The following RNF111 variants were observed in gnomAD, a reference collection of about 807,000 sequenced individuals.
RNF111 encodes the protein ring finger protein 111.
RNF111 carries 17 observed loss-of-function variants against 95.1 expected under a neutral mutation model. The observed-to-expected ratio is 0.18, with a 90% CI of 0.12 to 0.27. The LOEUF (loss-of-function observed/expected upper bound fraction) is 0.27, where lower values mean the gene tolerates loss of function less well. RNF111 is among the 10% of genes least tolerant of loss of function. RNF111 has a pLI of 1.00. For missense variants in RNF111, 1,189 were observed against 1,210.4 expected, an observed-to-expected ratio of 0.98 and a Z score of 0.26; for synonymous variants, 440 against 414.8, an observed-to-expected ratio of 1.06 and a Z score of -0.74.
At position 59,095,033 on chromosome 15, in the gene RNF111, A is replaced by G. The variant is rs1455282988; in HGVS notation, c.*133A>G. 3.8e-5 allele frequency: 27 copies of G among 717,848 alleles called. No individual in the cohort carries two copies. Among genetic ancestry groups the G allele is most frequent in the African/African-American group, 7.2e-5 (4 of 55,440 alleles). 44.5% of individuals were successfully genotyped at this position (717,848 alleles called of 1,614,324 possible). ...TAGAGTGCTGGCTCTGCTATATGGT[A>G]CAACTAATGCTAGACCTACAGTTTA... On this transcript the variant is annotated 3_prime_UTR_variant, in exon 14 of 14. Coordinates refer to ENST00000348370, the MANE Select transcript of RNF111 (RefSeq NM_017610.8).
At chr15:59,054,582 G>A (rs1407727674) in intron 3 of RNF111, among the ~76,000 whole-genome samples, 3 of 152,164 alleles carry the variant, frequency 2.0e-5, no homozygotes, top group Admixed American at 6.5e-5. Context: ...TACCACAACT[G>A]TTTCTGATAT....
intron 5 of RNF111, among the ~76,000 whole-genome samples, chr15:59,062,209 AT>A (rs2042470139): frequency 6.6e-6 from 1 of 151,844 alleles, no homozygotes; most frequent in South Asian, 2.1e-4. Flanking sequence ...CACCTGGCCA[AT>A]TTATGTATTT....
chr15:59,067,010 C>T lies in RNF111; in HGVS notation c.1613C>T (p.Pro538Leu). 1.2e-6 allele frequency: 2 copies of T among 1,614,118 alleles called. No individual in the cohort carries two copies. Among genetic ancestry groups the T allele is most frequent in the Non-Finnish European group, 8.5e-7 (1 of 1,180,020 alleles). Residue 538 changes from proline to leucine, a missense_variant, in exon 6 of 14, where the codon CCT becomes CTT. Physicochemically the swap from Pro to Leu is moderately conservative, Grantham distance 98. Coordinates refer to ENST00000348370, the MANE Select transcript of RNF111 (RefSeq NM_017610.8). ...CCTTCCTTTAGTGATCCTGCTTGCCCTGTGGAAAGACCTCCACAAGTACAA... is the reference window on the plus strand; with the variant it reads ...CCTTCCTTTAGTGATCCTGCTTGCCTTGTGGAAAGACCTCCACAAGTACAA... ...VSPSFSDPAC[P>L]VERPPQVQAP...
At chr15:59,040,565 G>A (rs1447125450) in intron 2 of RNF111, among the ~76,000 whole-genome samples, 1 of 152,138 alleles carries the variant, frequency 6.6e-6, no homozygotes, top group African/African-American at 2.4e-5. Context: ...TTTTATATTT[G>A]TATTTGTTCT....
chr15:59,095,063 T>C lies in RNF111; in HGVS notation c.*163T>C, dbSNP rs2079154930. 13 of 630,324 alleles carry C rather than the reference T, an allele frequency of 2.1e-5. No individual in the cohort carries two copies. The South Asian group carries it at 2.3e-4, about 11-fold the overall frequency. 39.0% of individuals were successfully genotyped at this position (630,324 alleles called of 1,614,324 possible). On this transcript the variant is annotated 3_prime_UTR_variant, in exon 14 of 14. Coordinates refer to ENST00000348370, the MANE Select transcript of RNF111 (RefSeq NM_017610.8). ...TAATGCTAGACCTACAGTTTATGTA[T>C]ACAGTTGATTTTGATGTATTTATAA...
chr15:59,077,617 T>C (rs1252627179), intron 7 of RNF111, among the ~76,000 whole-genome samples: 1 of 152,262 alleles, frequency 6.6e-6, no homozygotes, highest in Non-Finnish European at 1.5e-5. Context: ...TCATTGGTTT[T>C]TAATACCCCC....
At chr15:59,079,059 T>C (rs1232741049) in intron 7 of RNF111, among the ~76,000 whole-genome samples, 1 of 152,080 alleles carries the variant, frequency 6.6e-6, no homozygotes, top group African/African-American at 2.4e-5. Context: ...GGAACACAAA[T>C]AGAGGAAGGG....
rs186793201 is a variant in RNF111, at chr15:59,066,895, C to A, written c.1498C>A (p.Pro500Thr). The A allele has an allele frequency of 8.1e-6, 13 of 1,614,076 alleles. No homozygotes were observed. Among genetic ancestry groups the A allele is most frequent in the Non-Finnish European group, 1.1e-5 (13 of 1,180,020 alleles). Residue 500 changes from proline (P) to threonine (T), a missense_variant, in exon 6 of 14, where the codon CCT (proline) becomes ACT (threonine). Transcript: ENST00000348370. ...ACAGAACCACCATGCATTAGGACAT[C>A]CTCATACAAGTTGCTTTCAGCAGCA... ...SSQNHHALGHPHTSCFQQHGH... is the reference protein window; with the variant it reads ...SSQNHHALGHTHTSCFQQHGH...
At chr15:59,047,658 G>A (rs1485785330) in intron 2 of RNF111, among the ~76,000 whole-genome samples, 4 of 151,948 alleles carry the variant, frequency 2.6e-5, no homozygotes, top group African/African-American at 7.3e-5. Flanking sequence ...TCACTGCAAC[G>A]TGCGTCTCCC....
At position 59,081,147 on chromosome 15, in the gene RNF111, C is replaced by A. The variant is rs1489166957; in HGVS notation, c.2160C>A (p.Ile720=). The A allele has an allele frequency of 1.2e-6, 2 of 1,614,070 alleles. No homozygotes were observed. Among genetic ancestry groups the A allele is most frequent in the Non-Finnish European group, 1.7e-6 (2 of 1,180,036 alleles). The change falls in exon 8 of 14, where the codon ATC becomes ATA. Residue 720 remains isoleucine (I), a synonymous_variant. Transcript: ENST00000348370. ...ACTTAGCCAGTACAGCTGCACCAAT[C>A]CCTCAGCATCTTCCTCCTACACACC... is the stretch of plus-strand genomic sequence containing the variant. ...PTHLASTAAP[I]PQHLPPTHQP...
At chr15:59,029,780 GGTTAT>G (rs1165362661) in intron 1 of RNF111, among the ~76,000 whole-genome samples, 1 of 152,084 alleles carries the variant, frequency 6.6e-6, no homozygotes, top group Non-Finnish European at 1.5e-5. Flanking sequence ...CTAGGGTGCT[GGTTAT>G]GTTGTTTATC....
chr15:59,032,541 C>T (rs953333765), intron 2 of RNF111, among the ~76,000 whole-genome samples: 4 of 152,254 alleles, frequency 2.6e-5, no homozygotes, highest in Admixed American at 6.5e-5. Context: ...CCCACGTCAG[C>T]GCCTCAAGTA....
chr15:59,000,816 T>C (rs1158140254), intron 1 of RNF111, among the ~76,000 whole-genome samples: 1 of 152,164 alleles, frequency 6.6e-6, no homozygotes, highest in African/African-American at 2.4e-5. Flanking sequence ...TGTCAGAATT[T>C]TTGATTATTT....
chr15:59,094,879 C>T lies in RNF111; in HGVS notation c.2940C>T (p.Ala980=). ...KCPICRVDIE[A]QLPSES is the part of the protein sequence containing the mutation. ...CCATATGCAGAGTGGACATTGAGGCCCAGCTGCCAAGTGAAAGTTGACACC... is the reference window on the plus strand; with the variant it reads ...CCATATGCAGAGTGGACATTGAGGCTCAGCTGCCAAGTGAAAGTTGACACC... Residue 980 remains alanine (A), a synonymous_variant, in exon 14 of 14, where the codon GCC becomes GCT. Transcript: ENST00000348370. 2 of 1,605,314 alleles carry T rather than the reference C, an allele frequency of 1.2e-6. No individual in the cohort carries two copies. The highest frequency in any genetic ancestry group is 1.7e-6 in the Non-Finnish European group (2 of 1,172,550).
chr15:59,078,965 T>A (rs2078656505), intron 7 of RNF111, among the ~76,000 whole-genome samples: 1 of 151,884 alleles, frequency 6.6e-6, no homozygotes, highest in Non-Finnish European at 1.5e-5. Flanking sequence ...AGTGAGTAAA[T>A]GTTGGAATAA....
chr15:59,080,114 CTTTTTTTTTTTTT>C (rs1194255542), intron 7 of RNF111, among the ~76,000 whole-genome samples: 1 of 85,446 alleles, frequency 1.2e-5, no homozygotes, highest in Admixed American at 1.6e-4. Context: ...TTGTGTGCTC[CTTTTTTTTTTTTT>C]TTTTTTTTTT....
chr15:59,080,919 A>G lies in RNF111; in HGVS notation c.1949-17A>G. The G allele has an allele frequency of 6.3e-7, 1 of 1,592,720 alleles. No homozygotes were observed. The highest frequency in any genetic ancestry group is 8.6e-7 in the Non-Finnish European group (1 of 1,167,912). ...GCATGGTGCCTATGTAACATACTCAAAATATTTTTCTTGCAGATGCCTCTT... is the reference window on the plus strand; with the variant it reads ...GCATGGTGCCTATGTAACATACTCAGAATATTTTTCTTGCAGATGCCTCTT... On this transcript the variant is annotated splice_polypyrimidine_tract_variant and intron_variant, in intron 7 of 13. Transcript: ENST00000348370.
intron 1 of RNF111, among the ~76,000 whole-genome samples, chr15:59,027,590 G>A (rs544448916): frequency 1.3e-5 from 2 of 151,668 alleles, no homozygotes; most frequent in South Asian, 2.1e-4. Context: ...GTGCAATGGC[G>A]CAATCTCGGC....
At position 59,052,371 on chromosome 15, in the gene RNF111, A is replaced by G; in HGVS notation, c.947A>G (p.Glu316Gly). Residue 316 changes from glutamate to glycine, a missense_variant, in exon 3 of 14, where the codon GAA becomes GGA. Transcript: ENST00000348370. ...ACTCCCCAGGTTACTGCCAATGAAG[A>G]AATTAATGTTACCTCAACTGACAGT... is the stretch of plus-strand genomic sequence containing the variant. The part of the protein sequence containing the change: ...SSTPQVTANE[E>G]INVTSTDSEV... The G allele has an allele frequency of 6.2e-7, 1 of 1,606,756 alleles. No homozygotes were observed. Among genetic ancestry groups the G allele is most frequent in the Non-Finnish European group, 8.5e-7 (1 of 1,176,892 alleles).
Sources: gnomAD v4.1 joint callset for allele counts (sites outside exome capture counted in the v4.1 genomes callset) on GRCh38, gnomAD v4.1.1 for gene constraint, MANE v1.5 for transcripts, NCBI Gene and HGNC (gene_info 2026-07-23, HGNC 2026-07-21) for gene names.